The following MGAT4C variants were observed in gnomAD, a reference collection of about 807,000 sequenced individuals.
The protein encoded by MGAT4C is alpha-1,3-mannosyl-glycoprotein 4-beta-N-acetylglucosaminyltransferase C.
Under a neutral mutation model 40.1 loss-of-function variants are expected in MGAT4C, and 19 were observed. The observed-to-expected ratio is 0.47, with a 90% CI of 0.33 to 0.70. The LOEUF is 0.70. Among genes scored for constraint, MGAT4C ranks in the 30% least tolerant of loss-of-function variants. MGAT4C has a pLI of 0.02. For synonymous variants in MGAT4C, 181 were observed against 187.1 expected (o/e 0.97, Z 0.27); for missense variants, 491 against 563.2 (o/e 0.87, Z 1.30).
chr12:86,293,015 A>G (rs752986851), intron 4 of MGAT4C, among the ~76,000 whole-genome samples: 2 of 152,176 alleles, frequency 1.3e-5, no homozygotes, highest in African/African-American at 4.8e-5. Flanking sequence ...AGATATCAAT[A>G]AACAATTCAA....
intron 1 of MGAT4C, among the ~76,000 whole-genome samples, chr12:86,205,271 A>G (rs940985141): frequency 1.3e-5 from 2 of 151,704 alleles, no homozygotes; most frequent in Non-Finnish European, 3.0e-5. Context: ...CAATATTCAT[A>G]TTCATATATG....
intron 1 of MGAT4C, among the ~76,000 whole-genome samples, chr12:86,832,545 C>A (rs1952951023): frequency 6.6e-6 from 1 of 151,762 alleles, no homozygotes; most frequent in African/African-American, 2.4e-5. Context: ...CTGCGATTTA[C>A]CTAAACCTGT....
At chr12:86,328,498 TA>T (rs1566292541) in intron 4 of MGAT4C, among the ~76,000 whole-genome samples, 4 of 152,076 alleles carry the variant, frequency 2.6e-5, no homozygotes, top group Non-Finnish European at 4.4e-5. Flanking sequence ...AAGGTCAGTA[TA>T]AAAATTAATT....
At chr12:86,826,618 G>A (rs1400737807) in intron 1 of MGAT4C, among the ~76,000 whole-genome samples, 3 of 151,382 alleles carry the variant, frequency 2.0e-5, no homozygotes, top group African/African-American at 7.3e-5. Context: ...CCATAAGAAT[G>A]TAACAGTTAT....
chr12:86,509,133 A>C (rs374382894), intron 2 of MGAT4C, among the ~76,000 whole-genome samples: 266 of 151,730 alleles, frequency 1.8e-3, no homozygotes, highest in African/African-American at 5.5e-3. Context: ...GAAGTCCTTG[A>C]CCATGCCTAT....
chr12:86,676,726 C>T (rs1300963715), intron 2 of MGAT4C, among the ~76,000 whole-genome samples: 1 of 152,046 alleles, frequency 6.6e-6, no homozygotes, highest in African/African-American at 2.4e-5. Flanking sequence ...CTTGTCAGTG[C>T]TATGGTACCC....
chr12:86,585,713 G>GCTCCATGT (rs1466955058), intron 2 of MGAT4C, among the ~76,000 whole-genome samples: 2 of 145,716 alleles, frequency 1.4e-5, no homozygotes, highest in African/African-American at 5.0e-5. Flanking sequence ...TCCCAAATAG[G>GCTCCATGT]CTCCATGTTT....
chr12:86,621,118 T>A (rs1334018661), intron 2 of MGAT4C, among the ~76,000 whole-genome samples: 3 of 152,058 alleles, frequency 2.0e-5, no homozygotes, highest in Non-Finnish European at 4.4e-5. Context: ...TAAAAAATTA[T>A]AATTTTATAT....
At position 85,972,021 on chromosome 12, in the gene MGAT4C, T is replaced by C. The variant is rs1348974765; in HGVS notation, c.*7268A>G. 1.3e-5 allele frequency: 2 copies of C among 151,190 alleles called. No individual in the cohort carries two copies. Among genetic ancestry groups the C allele is most frequent in the East Asian group, 3.9e-4 (2 of 5,184 alleles). 9.4% of individuals were successfully genotyped at this position (151,190 alleles called of 1,614,324 possible). A position where few individuals can be genotyped will look rare whatever the true frequency, so the allele number is the denominator to read the frequency against. On this transcript the variant is annotated 3_prime_UTR_variant, in exon 5 of 5. Coordinates refer to ENST00000611864, the MANE Select transcript of MGAT4C (RefSeq NM_001351288.2). Reference sequence around the variant, plus strand: ...AAAGTTAGAGGGCAGCATACATACATTGGTTTATGGATTTAATGAAAATAT... The same window carrying C: ...AAAGTTAGAGGGCAGCATACATACACTGGTTTATGGATTTAATGAAAATAT...
chr12:86,193,222 T>C (rs1446491612), intron 1 of MGAT4C, among the ~76,000 whole-genome samples: 2 of 151,944 alleles, frequency 1.3e-5, no homozygotes, highest in African/African-American at 2.4e-5. Flanking sequence ...AATCCTTTTT[T>C]ATTTTCCACT....
chr12:86,616,706 T>TC (rs1451090082), intron 2 of MGAT4C, among the ~76,000 whole-genome samples: 3 of 151,900 alleles, frequency 2.0e-5, no homozygotes, highest in Admixed American at 1.3e-4. Flanking sequence ...AGGGTTTCTT[T>TC]TTTTTTTTTT....
chr12:86,228,428 G>A (rs1951182877), intron 1 of MGAT4C, among the ~76,000 whole-genome samples: 1 of 151,688 alleles, frequency 6.6e-6, no homozygotes, highest in Non-Finnish European at 1.5e-5. Flanking sequence ...TATTTTTGTA[G>A]CAATATTTAT....
intron 2 of MGAT4C, among the ~76,000 whole-genome samples, chr12:86,009,762 C>G (rs1029027776): frequency 6.6e-6 from 1 of 152,176 alleles, no homozygotes; most frequent in Non-Finnish European, 1.5e-5. Context: ...TTTTTGCCTA[C>G]ACATTCTTTC....
rs1482828278 is a variant in MGAT4C, at chr12:85,968,601, C to G, written c.*10688G>C. Reference sequence around the variant, plus strand: ...TACGCTTGTCATCATGTTTTCTAATCTATAATCTTTCAAACTGGATAAATG... The same window carrying G: ...TACGCTTGTCATCATGTTTTCTAATGTATAATCTTTCAAACTGGATAAATG... On this transcript the variant is annotated 3_prime_UTR_variant, in exon 5 of 5. Coordinates refer to ENST00000611864, the MANE Select transcript of MGAT4C (RefSeq NM_001351288.2). 6.6e-6 allele frequency: 1 copy of G among 151,892 alleles called. No homozygotes were observed. The allele number at this position is 151,892 out of a possible 1,614,324, so 9.4% of individuals were successfully genotyped here. A position where few individuals can be genotyped will look rare whatever the true frequency, so the allele number is the denominator to read the frequency against.
At chr12:86,770,855 T>C (rs986358536) in intron 1 of MGAT4C, among the ~76,000 whole-genome samples, 2 of 152,180 alleles carry the variant, frequency 1.3e-5, no homozygotes, top group Admixed American at 1.3e-4. Context: ...AGTTATAAGA[T>C]ATATTATTAT....
intron 2 of MGAT4C, among the ~76,000 whole-genome samples, chr12:86,537,180 A>G (rs1486926607): frequency 6.6e-6 from 1 of 151,542 alleles, no homozygotes; most frequent in Non-Finnish European, 1.5e-5. Flanking sequence ...ATGAGAACAC[A>G]TGGACACAGG....
chr12:86,723,361 T>C (rs1035932540), intron 2 of MGAT4C, among the ~76,000 whole-genome samples: 1 of 152,154 alleles, frequency 6.6e-6, no homozygotes, highest in African/African-American at 2.4e-5. Context: ...ACTGATTGGC[T>C]AAGAACATCA....
rs539287739 is a variant in MGAT4C at position 86,368,866 on chromosome 12, G to GTGT, written c.-119-34740_-119-34739insACA. ...AAGAAAATAGATTCTGCTGCTATTGGGTGGAATTTCTATATATGCTCATTT... is the reference window on the plus strand; with the variant it reads ...AAGAAAATAGATTCTGCTGCTATTGGTGTGTGGAATTTCTATATATGCTCATTT... On this transcript the variant is annotated intron_variant, in intron 3 of 7. Transcript: ENST00000548651. Among the ~76,000 whole-genome samples the GTGT allele has an allele frequency of 4.9e-3, 745 of 151,920 alleles. 6 individuals are homozygous for GTGT. Among genetic ancestry groups the GTGT allele is most frequent in the African/African-American group, 0.017 (706 of 41,474 alleles).
intron 4 of MGAT4C, among the ~76,000 whole-genome samples, chr12:86,302,070 T>A (rs183613616): frequency 6.6e-6 from 1 of 150,988 alleles, no homozygotes; most frequent in African/African-American, 2.5e-5. Context: ...AAATAAACTT[T>A]TTTTAAATCT....
Sources: allele counts gnomAD v4.1 joint callset (sites outside exome capture counted in the v4.1 genomes callset), GRCh38; gene constraint gnomAD v4.1.1; transcripts MANE v1.5; gene names NCBI Gene and HGNC (gene_info 2026-07-23, HGNC 2026-07-21).